The following AFF4 variants were observed in gnomAD, a reference collection of about 807,000 sequenced individuals.
AFF4 encodes AF4/FMR2 family member 4.
Under a neutral mutation model 124.8 loss-of-function variants are expected in AFF4, and 13 were observed. The ratio of observed to expected loss-of-function variants is 0.10; its 90% CI spans 0.07 to 0.17. The LOEUF is 0.17. Ranked by LOEUF, AFF4 falls within the 10% of genes least tolerant of loss-of-function variation. AFF4 has a pLI of 1.00. For missense variants in AFF4, 1,092 were observed against 1,403.8 expected (o/e 0.78, Z 3.55); for synonymous variants, 477 against 496.1 (o/e 0.96, Z 0.51).
chr5:132,938,098 G>A (rs114518280), intron 1 of AFF4, among the ~76,000 whole-genome samples: 2,491 of 151,322 alleles, frequency 0.016, 67 homozygotes, highest in African/African-American at 0.057. Context: ...AATCAGACCT[G>A]GTTTTGTTTT....
At chr5:132,944,505 G>A (rs1385124402) in intron 1 of AFF4, among the ~76,000 whole-genome samples, 1 of 152,052 alleles carries the variant, frequency 6.6e-6, no homozygotes, top group Admixed American at 6.6e-5. Context: ...AAATTAGCTG[G>A]GTGTGGTGGC....
At position 132,932,274 on chromosome 5, in the gene AFF4, T is replaced by G. The variant is rs751443432; in HGVS notation, c.919-52A>C. 3.4e-6 allele frequency: 5 copies of G among 1,484,420 alleles called. No homozygotes were observed. The Admixed American group carries it at 9.5e-5, about 28-fold the overall frequency. 92.0% of individuals were successfully genotyped at this position (1,484,420 alleles called of 1,614,324 possible). ...GATTTTTATCAGTAGATTTTTAGTA[T>G]TTGCTTCACAGATTTAAAAACATTA... is the stretch of plus-strand genomic sequence containing the variant. On this transcript the variant is annotated intron_variant, in intron 3 of 20. Transcript: ENST00000265343.
intron 1 of AFF4, among the ~76,000 whole-genome samples, chr5:132,954,870 G>A (rs1213648254): frequency 6.6e-6 from 1 of 152,170 alleles, no homozygotes; most frequent in South Asian, 2.1e-4. Flanking sequence ...TTTATCATTT[G>A]CTGTCCACGG....
At chr5:132,963,207 A>C (rs898549375) in intron 1 of AFF4, 52 bp downstream of exon 1, 4 of 383,544 alleles carry the variant, frequency 1.0e-5, no homozygotes, top group Admixed American at 4.5e-5. Flanking sequence ...GGCCCCGGCC[A>C]CAACCCCCGC....
intron 1 of AFF4, among the ~76,000 whole-genome samples, chr5:132,959,080 A>G (rs749346917): frequency 3.9e-5 from 6 of 152,202 alleles, no homozygotes; most frequent in Non-Finnish European, 5.9e-5. Flanking sequence ...CCAAGAGAGA[A>G]AAAGTTACAT....
At chr5:132,881,679 C>A (rs1358666717) in intron 20 of AFF4, among the ~76,000 whole-genome samples, 1 of 152,056 alleles carries the variant, frequency 6.6e-6, no homozygotes, top group African/African-American at 2.4e-5. Flanking sequence ...ATAACTAAAT[C>A]CCATGTTTTT....
chr5:132,880,517 A>C lies in AFF4; in HGVS notation c.*542T>G. Reference sequence around the variant, plus strand: ...CCACAATAATAAAATTGGAGTTAAGATTTCAAATATCAGGTCAGGTAGCAG... The same window carrying C: ...CCACAATAATAAAATTGGAGTTAAGCTTTCAAATATCAGGTCAGGTAGCAG... On this transcript the variant is annotated 3_prime_UTR_variant, in exon 21 of 21. Transcript: ENST00000265343. The C allele has an allele frequency of 2.5e-6, 1 of 395,742 alleles. No homozygotes were observed. The highest frequency in any genetic ancestry group is 4.5e-6 in the Non-Finnish European group (1 of 224,452). The allele number at this position is 395,742 out of a possible 1,614,324, so 24.5% of individuals were successfully genotyped here.
chr5:132,886,824 A>T (rs1760130913), intron 17 of AFF4, among the ~76,000 whole-genome samples: 1 of 152,254 alleles, frequency 6.6e-6, no homozygotes, highest in Non-Finnish European at 1.5e-5. Context: ...CTATCTCTCC[A>T]GTCACACCCA....
intron 9 of AFF4, among the ~76,000 whole-genome samples, chr5:132,898,641 G>A (rs745542374): frequency 1.3e-5 from 2 of 151,942 alleles, no homozygotes; most frequent in Non-Finnish European, 2.9e-5. Context: ...CCACCACCAC[G>A]CCCGGCTAAT....
At chr5:132,904,970 A>G (rs1017732489) in intron 5 of AFF4, among the ~76,000 whole-genome samples, 2 of 144,980 alleles carry the variant, frequency 1.4e-5, no homozygotes, top group African/African-American at 5.2e-5. Context: ...AATCACTTGA[A>G]CCCTGGGAGG....
chr5:132,933,088 A>C (rs946144315), intron 3 of AFF4, among the ~76,000 whole-genome samples: 1 of 152,042 alleles, frequency 6.6e-6, no homozygotes, highest in South Asian at 2.1e-4. Context: ...TTTTTATTGC[A>C]CAAACTACAT....
chr5:132,899,777 A>G (rs748712863), intron 7 of AFF4, 136 bp from the exon 8 acceptor site: 38 of 642,474 alleles, frequency 5.9e-5, no homozygotes, highest in Non-Finnish European at 8.9e-5. Flanking sequence ...AACACCAGTA[A>G]GTCTTATTCT....
At chr5:132,897,364 CTA>C in intron 10 of AFF4, 124 bp from the exon 11 acceptor site, 1 of 1,008,444 alleles carries the variant, frequency 9.9e-7, no homozygotes, top group East Asian at 2.5e-5. Flanking sequence ...AAATGGTTCT[CTA>C]TGAACCAAAG....
intron 13 of AFF4, 142 bp downstream of exon 13, chr5:132,892,022 G>T (rs1353986931): frequency 8.1e-7 from 1 of 1,238,512 alleles, no homozygotes; most frequent in Non-Finnish European, 1.1e-6. Context: ...CATTTATCAG[G>T]ATTATTACAT....
At chr5:132,890,014 C>A (rs1185520404) in intron 13 of AFF4, among the ~76,000 whole-genome samples, 1 of 151,996 alleles carries the variant, frequency 6.6e-6, no homozygotes, top group Non-Finnish European at 1.5e-5. Context: ...CCATCCAGCC[C>A]TATCTTTAAT....
chr5:132,882,925 C>G (rs1169010309), intron 20 of AFF4, among the ~76,000 whole-genome samples: 1 of 148,528 alleles, frequency 6.7e-6, no homozygotes, highest in African/African-American at 2.4e-5. Flanking sequence ...TCCAATATAC[C>G]TAAAAATCCA....
At chr5:132,954,081 C>T (rs974323615) in intron 1 of AFF4, among the ~76,000 whole-genome samples, 6 of 152,046 alleles carry the variant, frequency 3.9e-5, no homozygotes, top group Non-Finnish European at 7.3e-5. Context: ...TTCTTGAACA[C>T]AGTGTGCATT....
At chr5:132,895,189 C>T (rs953084583) in intron 11 of AFF4, among the ~76,000 whole-genome samples, 1 of 151,888 alleles carries the variant, frequency 6.6e-6, no homozygotes, top group Non-Finnish European at 1.5e-5. Flanking sequence ...TTGAGCAAAA[C>T]ATCTCTATAC....
intron 1 of AFF4, among the ~76,000 whole-genome samples, chr5:132,950,412 G>GA (rs747653801): frequency 5.3e-5 from 8 of 152,234 alleles, no homozygotes; most frequent in Non-Finnish European, 8.8e-5. Context: ...GACAGAGGTT[G>GA]TAGTGAGCTG....
Sources: allele counts gnomAD v4.1 joint callset (sites outside exome capture counted in the v4.1 genomes callset), GRCh38; gene constraint gnomAD v4.1.1; transcripts MANE v1.5; gene names NCBI Gene and HGNC (gene_info 2026-07-23, HGNC 2026-07-21).